Variants in DSCAM observed in about 807,000 individuals in gnomAD.
DSCAM encodes cell adhesion molecule DSCAM.
DSCAM carries 47 observed loss-of-function variants against 217.7 expected under a neutral mutation model. The ratio of observed to expected loss-of-function variants is 0.22; its 90% confidence interval spans 0.17 to 0.28. The LOEUF is 0.28. Ranked by LOEUF, DSCAM falls within the 10% of genes least tolerant of loss-of-function variation. The pLI, the probability that DSCAM is intolerant of heterozygous loss-of-function variation, is 1.00. For missense variants in DSCAM, 2,080 were observed against 2,618.3 expected, an observed-to-expected ratio of 0.79 and a Z score of 4.49; for synonymous variants, 1,056 against 1,015.3, an observed-to-expected ratio of 1.04 and a Z score of -0.76.
intron 22 of DSCAM, among the ~76,000 whole-genome samples, 175 bp downstream of exon 22, chr21:40,086,995 C>A (rs2089540900): frequency 6.6e-6 from 1 of 152,184 alleles, no homozygotes; most frequent in Admixed American, 6.5e-5. Context: ...CAGACCCTTT[C>A]AGTGCTAAAG....
rs114512074 is a variant in DSCAM, at chr21:40,652,140, C to T, written c.508+40670G>A. 7.4e-3 allele frequency among the ~76,000 whole-genome samples: 1,044 copies of T among 141,826 alleles called. 14 individuals carry two copies. The highest frequency in any genetic ancestry group is 0.027 in the African/African-American group (1,001 of 36,938). 93.0% of individuals were successfully genotyped at this position (141,826 alleles called of 152,430 possible). A position where few individuals can be genotyped will look rare whatever the true frequency, so the allele number is the denominator to read the frequency against. ...GACACATGGAGGGGAACAACACACA[C>T]TGGGGCCTGTTGAAGGGTGGGGGTG... On this transcript the variant is annotated intron_variant, in intron 3 of 32. Transcript: ENST00000400454.
chr21:40,156,291 G>GAC (rs1328162062), intron 16 of DSCAM, among the ~76,000 whole-genome samples: 1 of 45,324 alleles, frequency 2.2e-5, no homozygotes, highest in African/African-American at 2.6e-4. Flanking sequence ...CTAAGACAGA[G>GAC]AGAGAGAGAG....
chr21:40,449,533 G>A (rs1296299802), intron 3 of DSCAM, among the ~76,000 whole-genome samples: 1 of 152,162 alleles, frequency 6.6e-6, no homozygotes, highest in Non-Finnish European at 1.5e-5. Flanking sequence ...TCCCACAGAT[G>A]TTGATGTGTG....
chr21:40,748,230 GGAAA>G (rs536119551), intron 1 of DSCAM, among the ~76,000 whole-genome samples: 30 of 151,590 alleles, frequency 2.0e-4, no homozygotes, highest in Non-Finnish European at 4.3e-4. Flanking sequence ...ATTAGGCAAG[GGAAA>G]GAAAGAAAAG....
At chr21:40,798,471 G>C (rs974468137) in intron 1 of DSCAM, among the ~76,000 whole-genome samples, 1 of 151,932 alleles carries the variant, frequency 6.6e-6, no homozygotes, top group African/African-American at 2.4e-5. Flanking sequence ...AATAAGCCTA[G>C]CATTTATAAA....
intron 11 of DSCAM, among the ~76,000 whole-genome samples, chr21:40,252,074 T>C (rs1310670989): frequency 1.3e-5 from 2 of 152,182 alleles, no homozygotes; most frequent in Non-Finnish European, 2.9e-5. Context: ...CTACTTTGAT[T>C]GCAGCCTTGA....
intron 15 of DSCAM, among the ~76,000 whole-genome samples, chr21:40,171,462 G>A (rs1270547593): frequency 2.0e-5 from 3 of 151,888 alleles, no homozygotes; most frequent in Admixed American, 1.3e-4. Context: ...CTGTTTTTAA[G>A]AATGTAACAG....
At chr21:40,618,660 T>G (rs1317958934) in intron 3 of DSCAM, 1 of 128,916 alleles carries the variant, frequency 7.8e-6, no homozygotes. Context: ...CAGAGAACTC[T>G]GAGAAAAAAA....
intron 30 of DSCAM, among the ~76,000 whole-genome samples, 184 bp downstream of exon 30, chr21:40,051,774 G>C (rs985318784): frequency 1.3e-5 from 2 of 152,070 alleles, no homozygotes; most frequent in Non-Finnish European, 2.9e-5. Context: ...TAATTCAACT[G>C]ACATAATAAT....
chr21:40,296,074 G>T lies in DSCAM; in HGVS notation c.2163C>A (p.Ile721=). 1.2e-6 allele frequency: 2 copies of T among 1,613,796 alleles called. No individual in the cohort carries two copies. The highest frequency in any genetic ancestry group is 1.7e-6 in the Non-Finnish European group (2 of 1,179,830). ...CSAEGYPVPT[I]VWKFSKGAGV... The stretch of plus-strand genomic sequence containing the variant: ...CCATACCTTTAGAGAATTTCCACAC[G>T]ATGGTAGGTACAGGGTAACCCTCAG... Residue 721 remains isoleucine, a synonymous_variant, in exon 10 of 33, where the codon ATC becomes ATA. Coordinates refer to ENST00000400454, the MANE Select transcript of DSCAM (RefSeq NM_001389.5).
chr21:40,794,363 T>C (rs965594596), intron 1 of DSCAM, among the ~76,000 whole-genome samples: 1 of 152,170 alleles, frequency 6.6e-6, no homozygotes, highest in Non-Finnish European at 1.5e-5. Context: ...TTTTCTATCA[T>C]TTGGCAACAA....
chr21:40,607,395 T>C (rs1236635002), intron 3 of DSCAM, among the ~76,000 whole-genome samples: 4 of 149,096 alleles, frequency 2.7e-5, no homozygotes, highest in Non-Finnish European at 5.9e-5. Flanking sequence ...CTCCCTTTAA[T>C]TCTGATTTTT....
rs376764519 is a variant in DSCAM at position 40,349,094 on chromosome 21, G to A, written c.935-1149C>T. Among the ~76,000 whole-genome samples the A allele has an allele frequency of 2.4e-4, 31 of 128,186 alleles. No homozygotes were observed. The East Asian group carries it at 4.2e-3, about 17-fold the overall frequency. 84.1% of individuals were successfully genotyped at this position (128,186 alleles called of 152,430 possible). ...GGAGCTTGCAGTGAGCTGAGATGGC[G>A]CCACTGCACTCTAGCTTGGGGGACA... On this transcript the variant is annotated intron_variant, in intron 5 of 32. Transcript: ENST00000400454.
chr21:40,512,469 G>A (rs1308012990), intron 3 of DSCAM, among the ~76,000 whole-genome samples: 1 of 152,114 alleles, frequency 6.6e-6, no homozygotes, highest in Admixed American at 6.6e-5. Flanking sequence ...ATGAAGGAGC[G>A]AAACGTGGTG....
chr21:40,033,900 A>AC (rs57595852), intron 32 of DSCAM, among the ~76,000 whole-genome samples: 5 of 135,702 alleles, frequency 3.7e-5, no homozygotes, highest in Admixed American at 1.5e-4. Flanking sequence ...ACTGGGAGGC[A>AC]CCCCCCAGCA....
At chr21:40,015,400 C>A (rs911849293) in intron 32 of DSCAM, among the ~76,000 whole-genome samples, 1 of 146,566 alleles carries the variant, frequency 6.8e-6, no homozygotes, top group Non-Finnish European at 1.5e-5. Context: ...ATTCTACCGG[C>A]AAAATATCTC....
chr21:40,164,865 G>A (rs1231607188), intron 16 of DSCAM, among the ~76,000 whole-genome samples: 1 of 152,088 alleles, frequency 6.6e-6, no homozygotes, highest in African/African-American at 2.4e-5. Context: ...TCAATAGAGG[G>A]TGTCATTACA....
chr21:40,637,632 A>ATCTAT lies in DSCAM; in HGVS notation c.508+55177_508+55178insATAGA, dbSNP rs1555875012. 6.7e-3 allele frequency among the ~76,000 whole-genome samples: 284 copies of ATCTAT among 42,218 alleles called. 15 individuals carry two copies. The highest frequency in any genetic ancestry group is 0.025 in the African/African-American group (267 of 10,608). The allele number at this position is 42,218 out of a possible 152,430, so 27.7% of individuals were successfully genotyped here. On this transcript the variant is annotated intron_variant, in intron 3 of 32. Coordinates refer to ENST00000400454, the MANE Select transcript of DSCAM (RefSeq NM_001389.5). ...ATATATATAAATATATACATATATAAATATATATAAATATATATCTATATA... is the reference window on the plus strand; with the variant it reads ...ATATATATAAATATATACATATATAATCTATATATATATAAATATATATCTATATA...
At chr21:40,663,266 G>A (rs2090160820) in intron 3 of DSCAM, among the ~76,000 whole-genome samples, 1 of 73,632 alleles carries the variant, frequency 1.4e-5, no homozygotes, top group Non-Finnish European at 2.5e-5. Flanking sequence ...AAGTGTGTGT[G>A]TGGGGGGGGT....
Sources: allele counts gnomAD v4.1 joint callset (sites outside exome capture counted in the v4.1 genomes callset), GRCh38; gene constraint gnomAD v4.1.1; transcripts MANE v1.5; gene names NCBI Gene and HGNC (gene_info 2026-07-23, HGNC 2026-07-21).